The following ANAPC10 variants were observed in gnomAD, a reference collection of about 807,000 sequenced individuals.
ANAPC10 encodes the protein anaphase promoting complex subunit 10.
ANAPC10 carries 12 observed loss-of-function variants against 22.0 expected under a neutral mutation model. That is an observed-to-expected ratio of 0.55 (90% confidence interval 0.35 to 0.88). The LOEUF is 0.88. ANAPC10 is among the 40% of genes least tolerant of loss of function. ANAPC10 has a pLI of 0.01. For missense variants in ANAPC10, 188 were observed against 220.9 expected, an observed-to-expected ratio of 0.85 and a Z score of 0.94; for synonymous variants, 65 against 69.5, an observed-to-expected ratio of 0.94 and a Z score of 0.32.
intron 4 of ANAPC10, among the ~76,000 whole-genome samples, chr4:145,044,385 A>C (rs1019832526): frequency 6.6e-6 from 1 of 152,114 alleles, no homozygotes; most frequent in Non-Finnish European, 1.5e-5. Flanking sequence ...GGTTAAAATC[A>C]TTTCAAAAAA....
rs769680990 is a variant in ANAPC10, at chr4:145,081,641, T to G, written c.206+19A>C. On this transcript the variant is annotated intron_variant, in intron 3 of 4. Transcript: ENST00000507656. ...CTATAACCTACAGTAGATGAAAAAT[T>G]TGAAAATGTATTAATTACCTGAATT... 11 of 1,550,778 alleles carry G rather than the reference T, an allele frequency of 7.1e-6. No homozygotes were observed. The highest frequency in any genetic ancestry group is 9.7e-6 in the Non-Finnish European group (11 of 1,130,760).
At chr4:145,012,388 A>G (rs1316995526) in intron 4 of ANAPC10, among the ~76,000 whole-genome samples, 1 of 151,964 alleles carries the variant, frequency 6.6e-6, no homozygotes, top group East Asian at 1.9e-4. Flanking sequence ...ACAATCAGAA[A>G]TGACTATGAT....
intron 3 of ANAPC10, among the ~76,000 whole-genome samples, chr4:145,067,072 T>C (rs1743813265): frequency 6.6e-6 from 1 of 152,198 alleles, no homozygotes; most frequent in African/African-American, 2.4e-5. Flanking sequence ...TAAATTTGCA[T>C]AGGAAACTGT....
intron 4 of ANAPC10, among the ~76,000 whole-genome samples, chr4:145,051,940 G>A (rs1741164686): frequency 6.6e-6 from 1 of 152,014 alleles, no homozygotes; most frequent in Admixed American, 6.6e-5. Context: ...TGATTACTTA[G>A]GTTAACTCCT....
upstream of ANAPC10, chr4:145,098,199 G>C (rs1256674279): frequency 6.6e-6 from 1 of 152,618 alleles, no homozygotes; most frequent in African/African-American, 2.4e-5. Context: ...CGTTGAACAA[G>C]GGTCGCAGCT....
At chr4:145,014,669 C>T (rs1734837771) in intron 4 of ANAPC10, among the ~76,000 whole-genome samples, 1 of 152,156 alleles carries the variant, frequency 6.6e-6, no homozygotes, top group Non-Finnish European at 1.5e-5. Flanking sequence ...AGCTAAGAAC[C>T]CTCACAGAGT....
intron 4 of ANAPC10, among the ~76,000 whole-genome samples, chr4:145,056,363 G>A (rs1288258798): frequency 6.6e-6 from 1 of 152,122 alleles, no homozygotes; most frequent in East Asian, 1.9e-4. Context: ...CTAAAAAGGG[G>A]AGGCACGAAT....
At chr4:145,005,428 C>T (rs1365119457) in intron 4 of ANAPC10, among the ~76,000 whole-genome samples, 1 of 150,698 alleles carries the variant, frequency 6.6e-6, no homozygotes, top group African/African-American at 2.4e-5. Context: ...ATTCAATGAT[C>T]CTTTGTATGG....
chr4:144,996,738 T>C (rs949716639), intron 4 of ANAPC10, among the ~76,000 whole-genome samples: 45 of 152,292 alleles, frequency 3.0e-4, no homozygotes, highest in African/African-American at 8.4e-4. Flanking sequence ...AGAATGACTT[T>C]GACGAGTTGA....
At chr4:144,999,979 C>T (rs748629001) in intron 4 of ANAPC10, among the ~76,000 whole-genome samples, 5 of 152,144 alleles carry the variant, frequency 3.3e-5, no homozygotes, top group Non-Finnish European at 7.4e-5. Flanking sequence ...ATAAATGGTG[C>T]TGGGAAAACT....
At chr4:145,009,959 C>A (rs1050326961) in intron 4 of ANAPC10, among the ~76,000 whole-genome samples, 14 of 152,140 alleles carry the variant, frequency 9.2e-5, no homozygotes, top group African/African-American at 3.1e-4. Context: ...CTACAAAGAA[C>A]TTAAACAAAT....
rs1746045738 is a variant in ANAPC10 at position 145,081,726 on chromosome 4, T to C, written c.140A>G (p.Asp47Gly). 6.2e-7 allele frequency: 1 copy of C among 1,612,976 alleles called. No individual in the cohort carries two copies. Among genetic ancestry groups the C allele is most frequent in the East Asian group, 2.2e-5 (1 of 44,758 alleles). The part of the protein sequence containing the change: ...KPGFGVDQLR[D>G]DNLETYWQSD... The stretch of plus-strand genomic sequence containing the variant: ...TTGCCAATAAGTTTCTAGATTGTCA[T>C]CTCGTAACTGATCCACTCCAAATCC... The change falls in exon 3 of 5, where the codon GAT becomes GGT. Residue 47 changes from aspartate (D) to glycine (G), a missense_variant. By Grantham distance (94) the Asp-to-Gly change is moderately conservative. Transcript: ENST00000507656.
At chr4:145,096,140 G>T (rs1395636012) in intron 1 of ANAPC10, 29 bp from the exon 2 acceptor site, 1 of 1,601,898 alleles carries the variant, frequency 6.2e-7, no homozygotes, top group Non-Finnish European at 8.5e-7. Flanking sequence ...TGCACACATT[G>T]TATCAGGAAC....
chr4:145,082,196 C>G (rs1364403044), intron 2 of ANAPC10, among the ~76,000 whole-genome samples: 1 of 152,252 alleles, frequency 6.6e-6, no homozygotes, highest in Non-Finnish European at 1.5e-5. Context: ...GTGGCCCAAG[C>G]TGGAGTGCAA....
chr4:145,022,217 C>A (rs781623840), intron 4 of ANAPC10, among the ~76,000 whole-genome samples: 3 of 152,076 alleles, frequency 2.0e-5, no homozygotes, highest in South Asian at 2.1e-4. Context: ...ACGTTTATAG[C>A]AGCACAATTC....
intron 4 of ANAPC10, among the ~76,000 whole-genome samples, chr4:144,996,361 C>G (rs1262650983): frequency 1.3e-5 from 2 of 152,298 alleles, no homozygotes; most frequent in South Asian, 2.1e-4. Context: ...GCAACCTCAG[C>G]TGGGCGCCAC....
rs190710647 is a variant in ANAPC10 at position 145,095,499 on chromosome 4, C to A, written c.115+486G>T. Reference sequence around the variant, plus strand: ...CCTGATATCCAATCATCAACATCATCGTGGCTTGATGATCCAGAATCACCA... The same window carrying A: ...CCTGATATCCAATCATCAACATCATAGTGGCTTGATGATCCAGAATCACCA... On this transcript the variant is annotated intron_variant, in intron 2 of 4. Coordinates refer to ENST00000507656, the MANE Select transcript of ANAPC10 (RefSeq NM_001256706.2). Among the ~76,000 whole-genome samples the A allele has an allele frequency of 1.1e-4, 17 of 152,288 alleles. No homozygotes were observed. In the East Asian group the frequency reaches 3.3e-3, roughly 29 times the overall value.
chr4:145,020,355 C>G lies in ANAPC10; in HGVS notation c.328-24752G>C, dbSNP rs948620331. On this transcript the variant is annotated intron_variant, in intron 4 of 4. Coordinates refer to ENST00000507656, the MANE Select transcript of ANAPC10 (RefSeq NM_001256706.2). ...AATCACATGATCATCTCACCAGATGCAGAAAAAGCATTTGACAAAATCCAG... is the reference window on the plus strand; with the variant it reads ...AATCACATGATCATCTCACCAGATGGAGAAAAAGCATTTGACAAAATCCAG... Among the ~76,000 whole-genome samples, 5 of 152,136 alleles carry G rather than the reference C, an allele frequency of 3.3e-5. No individual in the cohort carries two copies. The East Asian group carries it at 9.6e-4, about 29-fold the overall frequency.
At chr4:145,090,271 G>A (rs1042605798) in intron 2 of ANAPC10, among the ~76,000 whole-genome samples, 1 of 152,070 alleles carries the variant, frequency 6.6e-6, no homozygotes, top group Non-Finnish European at 1.5e-5. Flanking sequence ...AAGTTGTACA[G>A]TGTTGTTTTT....
Sources: allele counts gnomAD v4.1 joint callset (sites outside exome capture counted in the v4.1 genomes callset), GRCh38; gene constraint gnomAD v4.1.1; transcripts MANE v1.5; gene names NCBI Gene and HGNC (gene_info 2026-07-23, HGNC 2026-07-21).